Variants in ARHGDIA observed in about 807,000 individuals in gnomAD.
ARHGDIA encodes the protein Rho GDP dissociation inhibitor alpha, also known as rho GDP-dissociation inhibitor 1.
In ARHGDIA, 9 loss-of-function variants were observed where a neutral mutation model predicts 25.0. The observed-to-expected ratio is 0.36, with a 90% confidence interval of 0.22 to 0.63. The LOEUF is 0.63. ARHGDIA is among the 20% of genes least tolerant of loss of function. The pLI, the probability that ARHGDIA is intolerant of heterozygous loss-of-function variation, is 0.69. For synonymous variants in ARHGDIA, 166 were observed against 111.5 expected (o/e 1.49, Z -3.08); for missense variants, 239 against 264.3 (o/e 0.90, Z 0.66).
Position 81,869,907 on chromosome 17 carries a change from G to C in ARHGDIA, c.24C>G (p.Ala8=). The C allele has an allele frequency of 6.2e-7, 1 of 1,613,760 alleles. No homozygotes were observed. Among genetic ancestry groups the C allele is most frequent in the Admixed American group, 1.7e-5 (1 of 60,014 alleles). The part of the protein sequence containing the change: MAEQEPT[A]EQLAQIAAEN... Reference sequence around the variant, plus strand: ...CCGCTGCAATCTGGGCCAGCTGCTCGGCTGTGGGCTCCTGCTCAGCCATGC... The same window carrying C: ...CCGCTGCAATCTGGGCCAGCTGCTCCGCTGTGGGCTCCTGCTCAGCCATGC... Residue 8 remains alanine (A), a synonymous_variant, in exon 2 of 6, where the codon GCC becomes GCG. Transcript: ENST00000269321.
At chr17:81,869,260 A>G (rs1434448345) in intron 4 of ARHGDIA, 24 bp from the exon 5 acceptor site, 1 of 1,614,124 alleles carries the variant, frequency 6.2e-7, no homozygotes, top group African/African-American at 1.3e-5. Flanking sequence ...AGCGAGGATC[A>G]GGGAAGGTCG....
In ARHGDIA at chr17:81,869,963, G is replaced by A. The variant is rs1180148933; in HGVS notation, c.-27-6C>T. On this transcript the variant is annotated splice_region_variant and splice_polypyrimidine_tract_variant and intron_variant, in intron 1 of 5. Coordinates refer to ENST00000269321, the MANE Select transcript of ARHGDIA (RefSeq NM_004309.6). ...CTTAGCCTGGGTCGGGACACCTGTG[G>A]GCGGGACGGTGACAGGCCTTGGACC... The A allele has an allele frequency of 6.2e-7, 1 of 1,608,072 alleles. No homozygotes were observed. Among genetic ancestry groups the A allele is most frequent in the Non-Finnish European group, 8.5e-7 (1 of 1,179,122 alleles).
At chr17:81,869,277 A>ACCCCAG (rs566979183) in intron 4 of ARHGDIA, 41 bp from the exon 5 acceptor site, 320 of 1,613,546 alleles carry the variant, frequency 2.0e-4, no homozygotes, top group African/African-American at 3.6e-4. Context: ...GTCGGTCCGG[A>ACCCCAG]CCCCAGCCCC....
rs2039191864 is a variant in ARHGDIA, at chr17:81,869,371, G to A, written c.310C>T (p.Leu104=). The change falls in exon 4 of 6, where the codon CTG becomes TTG. Residue 104 remains leucine (L), a synonymous_variant. Coordinates refer to ENST00000269321, the MANE Select transcript of ARHGDIA (RefSeq NM_004309.6). ...ATCCGGTACTCCACACCCTCCTTCA[G>A]CACAAACGACTGCTTCTTGAAGCTC... The part of the protein sequence containing the change: ...LESFKKQSFV[L]KEGVEYRIKI... 2 of 1,613,968 alleles carry A rather than the reference G, an allele frequency of 1.2e-6. No individual in the cohort carries two copies. The highest frequency in any genetic ancestry group is 2.2e-5 in the South Asian group (2 of 91,086).
chr17:81,868,002 GCTGGGCCCAGGTGGGGTGA>G lies in ARHGDIA; in HGVS notation c.*855_*873del, dbSNP rs2039096480. 9.8e-6 allele frequency: 2 copies of G among 204,960 alleles called. No homozygotes were observed. The highest frequency in any genetic ancestry group is 2.0e-5 in the Non-Finnish European group (2 of 102,176). The allele number at this position is 204,960 out of a possible 1,614,324, so 12.7% of individuals were successfully genotyped here. A position where few individuals can be genotyped will look rare whatever the true frequency, so the allele number is the denominator to read the frequency against. On this transcript the variant is annotated 3_prime_UTR_variant, in exon 6 of 6. Transcript: ENST00000269321. ...TACTGATGGCCAGGCGGGGCTCCTG[GCTGGGCCCAGGTGGGGTGA>G]GTGAGGCTGTCCATCGAGGGCTCTT...
chr17:81,868,440 C>T lies in ARHGDIA; in HGVS notation c.*436G>A, dbSNP rs913980090. The T allele has an allele frequency of 9.5e-6, 14 of 1,474,174 alleles. No homozygotes were observed. The highest frequency in any genetic ancestry group is 1.3e-5 in the South Asian group (1 of 75,210). 91.3% of individuals were successfully genotyped at this position (1,474,174 alleles called of 1,614,324 possible). Reference sequence around the variant, plus strand: ...GGAGCAGCGGGGCTGGAGGACGGCCCGGCCCCCACGAGGCCGTGCATCCCA... The same window carrying T: ...GGAGCAGCGGGGCTGGAGGACGGCCTGGCCCCCACGAGGCCGTGCATCCCA... On this transcript the variant is annotated 3_prime_UTR_variant, in exon 6 of 6. Coordinates refer to ENST00000269321, the MANE Select transcript of ARHGDIA (RefSeq NM_004309.6).
chr17:81,870,126 G>C (rs554280284), intron 1 of ARHGDIA, 169 bp from the exon 2 acceptor site: 1 of 636,864 alleles, frequency 1.6e-6, no homozygotes, highest in Admixed American at 3.0e-5. Flanking sequence ...GGCAGTGTGA[G>C]GTGCCCCCAC....
intron 3 of ARHGDIA, 59 bp from the exon 4 acceptor site, chr17:81,869,465 C>T (rs545229548): frequency 3.7e-6 from 6 of 1,612,350 alleles, no homozygotes; most frequent in Non-Finnish European, 4.2e-6. Context: ...AGCCCCAGCC[C>T]TGCGCGGCCC....
chr17:81,869,031 C>T lies in ARHGDIA; in HGVS notation c.460G>A (p.Glu154Lys), dbSNP rs759174824. The T allele has an allele frequency of 1.9e-6, 3 of 1,613,450 alleles. No homozygotes were observed. The East Asian group carries it at 6.7e-5, about 36-fold the overall frequency. Reference sequence around the variant, plus strand: ...ACGGGGGTCAGGAACTCGTACTCCTCGGCCCGGGGCCCATAGCTGCCTACC... The same window carrying T: ...ACGGGGGTCAGGAACTCGTACTCCTTGGCCCGGGGCCCATAGCTGCCTACC... ...YMVGSYGPRA[E>K]EYEFLTPVEE... Residue 154 changes from glutamate (E) to lysine (K), a missense_variant, in exon 6 of 6, where the codon GAG (glutamate) becomes AAG (lysine). Around this residue, in one of 3 missense-constraint regions of ARHGDIA, gnomAD observed 75 missense variants for 122.4 expected, o/e 0.61. Coordinates refer to ENST00000269321, the MANE Select transcript of ARHGDIA (RefSeq NM_004309.6).
Position 81,869,910 on chromosome 17 carries a change from T to C in ARHGDIA, c.21A>G (p.Thr7=), listed in dbSNP as rs745594613. The C allele has an allele frequency of 1.2e-6, 2 of 1,613,704 alleles. No homozygotes were observed. Among genetic ancestry groups the C allele is most frequent in the Non-Finnish European group, 8.5e-7 (1 of 1,179,998 alleles). Residue 7 remains threonine, a synonymous_variant, in exon 2 of 6, where the codon ACA becomes ACG. Transcript: ENST00000269321. MAEQEP[T]AEQLAQIAAE... ...CTGCAATCTGGGCCAGCTGCTCGGC[T>C]GTGGGCTCCTGCTCAGCCATGCTCA...
In ARHGDIA at chr17:81,868,009, C is replaced by G. The variant is rs892724563; in HGVS notation, c.*867G>C. On this transcript the variant is annotated 3_prime_UTR_variant, in exon 6 of 6. Coordinates refer to ENST00000269321, the MANE Select transcript of ARHGDIA (RefSeq NM_004309.6). ...GGCCAGGCGGGGCTCCTGGCTGGGC[C>G]CAGGTGGGGTGAGTGAGGCTGTCCA... 4.3e-5 allele frequency: 9 copies of G among 211,356 alleles called. No homozygotes were observed. The highest frequency in any genetic ancestry group is 8.5e-5 in the Non-Finnish European group (9 of 106,306). 13.1% of individuals were successfully genotyped at this position (211,356 alleles called of 1,614,324 possible). A position where few individuals can be genotyped will look rare whatever the true frequency, so the allele number is the denominator to read the frequency against.
At position 81,868,703 on chromosome 17, in the gene ARHGDIA, TGAG is replaced by T. The variant is rs1422404073; in HGVS notation, c.*170_*172del. The T allele has an allele frequency of 1.3e-5, 20 of 1,524,244 alleles. No homozygotes were observed. Among genetic ancestry groups the T allele is most frequent in the Non-Finnish European group, 1.7e-5 (20 of 1,143,560 alleles). 94.4% of individuals were successfully genotyped at this position (1,524,244 alleles called of 1,614,324 possible). On this transcript the variant is annotated 3_prime_UTR_variant, in exon 6 of 6. Coordinates refer to ENST00000269321, the MANE Select transcript of ARHGDIA (RefSeq NM_004309.6). ...GCTGGGCCTGTGGGTGGGGGAGGGC[TGAG>T]GAGGGGGGTCGGAGGCACTCGGTTG...
chr17:81,868,250 C>A lies in ARHGDIA; in HGVS notation c.*626G>T. On this transcript the variant is annotated 3_prime_UTR_variant, in exon 6 of 6. Transcript: ENST00000269321. The stretch of plus-strand genomic sequence containing the variant: ...TGGGCTGGGGAGCAGCAGCAGCACA[C>A]CCCACGTGTCCCTGGGTCACTGGGT... The A allele has an allele frequency of 9.7e-7, 1 of 1,030,980 alleles. No individual in the cohort carries two copies. Among genetic ancestry groups the A allele is most frequent in the Non-Finnish European group, 1.3e-6 (1 of 744,394 alleles). The allele number at this position is 1,030,980 out of a possible 1,614,324, so 63.9% of individuals were successfully genotyped here.
chr17:81,870,115 G>T (rs960494011), intron 1 of ARHGDIA, 158 bp from the exon 2 acceptor site: 33 of 700,408 alleles, frequency 4.7e-5, no homozygotes, highest in Non-Finnish European at 7.4e-5. Context: ...GCATCCTCTG[G>T]GGCAGTGTGA....
In ARHGDIA at chr17:81,868,549, T is replaced by C; in HGVS notation, c.*327A>G. The C allele has an allele frequency of 2.0e-6, 3 of 1,534,388 alleles. No homozygotes were observed. The highest frequency in any genetic ancestry group is 2.4e-5 in the East Asian group (1 of 40,876). On this transcript the variant is annotated 3_prime_UTR_variant, in exon 6 of 6. Transcript: ENST00000269321. ...GGAGAATGGCTGCTCCGCTCCCTCC[T>C]GAAGCCAGGCCTCGGGTGTGACGGG... is the stretch of plus-strand genomic sequence containing the variant.
intron 1 of ARHGDIA, 63 bp downstream of exon 1, chr17:81,871,235 G>A (rs1381058743): frequency 1.4e-5 from 2 of 140,162 alleles, no homozygotes; most frequent in Admixed American, 1.4e-4. Context: ...CGCCGGCGCC[G>A]CCGGTCCCCG....
intron 1 of ARHGDIA, 110 bp from the exon 2 acceptor site, chr17:81,870,067 C>A: frequency 1.9e-6 from 2 of 1,075,884 alleles, no homozygotes; most frequent in Non-Finnish European, 2.6e-6. Flanking sequence ...AAGGGGGCCA[C>A]CTTCGCTCCT....
rs544175086 is a variant in ARHGDIA at position 81,870,888 on chromosome 17, C to A, written c.-28+410G>T. 1.4e-4 allele frequency: 21 copies of A among 151,812 alleles called. 1 individual carries two copies. In the East Asian group the frequency reaches 3.1e-3, roughly 22 times the overall value. The allele number at this position is 151,812 out of a possible 1,614,324, so 9.4% of individuals were successfully genotyped here. ...GGCCGCGCCCCAATCCCCGCGTCGC[C>A]CCCGAACGCGATGGACCGCGGCTGC... On this transcript the variant is annotated intron_variant, in intron 1 of 5. Coordinates refer to ENST00000269321, the MANE Select transcript of ARHGDIA (RefSeq NM_004309.6).
chr17:81,870,013 C>A (rs1011809090), intron 1 of ARHGDIA, 56 bp from the exon 2 acceptor site: 2 of 1,540,780 alleles, frequency 1.3e-6, no homozygotes, highest in South Asian at 2.4e-5. Flanking sequence ...AGGCGCACTT[C>A]TGAGCAGGAG....
Sources: allele counts gnomAD v4.1 joint callset, GRCh38; gene constraint gnomAD v4.1.1; regional missense constraint gnomAD v4.1.1; transcripts MANE v1.5; gene names NCBI Gene and HGNC (gene_info 2026-07-23, HGNC 2026-07-21).